TOR1AIP2: variants seen among roughly 807,000 people sequenced by gnomAD.
TOR1AIP2 encodes torsin-1A-interacting protein 2.
A neutral mutation model predicts 32.6 loss-of-function variants in TOR1AIP2; 20 were observed. That is an observed-to-expected ratio of 0.61 (90% CI 0.43 to 0.89). The LOEUF (loss-of-function observed/expected upper bound fraction) is 0.89, where lower values mean the gene tolerates loss of function less well. Ranked by LOEUF, TOR1AIP2 falls within the 40% of genes least tolerant of loss-of-function variation. The probability of loss-of-function intolerance (pLI) is 0.00; values close to 1 mark genes in which losing one functional copy is unlikely to be tolerated. For missense variants in TOR1AIP2, 456 were observed against 553.8 expected (o/e 0.82, Z 1.77); for synonymous variants, 214 against 210.8 (o/e 1.02, Z -0.13).
intron 3 of TOR1AIP2, chr1:179,863,820 G>A: frequency 2.0e-6 from 2 of 985,226 alleles, no homozygotes; most frequent in Non-Finnish European, 1.2e-6. Context: ...TTGTTCAGTG[G>A]CCTTTGAGAT....
intron 3 of TOR1AIP2, chr1:179,860,447 A>T (rs938280112): frequency 1.0e-6 from 1 of 983,968 alleles, no homozygotes; most frequent in African/African-American, 1.7e-5. Flanking sequence ...GCGCCACTGC[A>T]CTCCAGCCTA....
chr1:179,871,335 A>C (rs979153941), intron 2 of TOR1AIP2, among the ~76,000 whole-genome samples: 3 of 152,248 alleles, frequency 2.0e-5, no homozygotes, highest in African/African-American at 7.2e-5. Context: ...AACTTTATTA[A>C]AAGAAAATTT....
At chr1:179,859,040 T>C (rs75116394) in intron 3 of TOR1AIP2, 47,592 of 981,462 alleles carry the variant, frequency 0.048, 1,317 homozygotes, top group Non-Finnish European at 0.052. Context: ...TAGAATTAAG[T>C]ATATATCTTT....
rs1442581603 is a variant in TOR1AIP2 at position 179,846,086 on chromosome 1, C to G, written c.1398G>C (p.Gln466His). 4.3e-6 allele frequency: 7 copies of G among 1,613,492 alleles called. No homozygotes were observed. The Admixed American group carries it at 1.2e-4, about 27-fold the overall frequency. ...PVQPVSSIEE[Q>H]GCLF ...GTGCTTAGCTTTAGAAAAGGCACCCCTGTTCTTCTATGCTACTCACTGGCT... is the reference window on the plus strand; with the variant it reads ...GTGCTTAGCTTTAGAAAAGGCACCCGTGTTCTTCTATGCTACTCACTGGCT... Residue 466 changes from glutamine (Q) to histidine (H), a missense_variant, in exon 7 of 7, where the codon CAG (glutamine) becomes CAC (histidine). Coordinates refer to ENST00000609928, the MANE Select transcript of TOR1AIP2 (RefSeq NM_001199260.2).
chr1:179,865,279 A>AT (rs764210868), intron 3 of TOR1AIP2, 157 bp downstream of exon 3: 226 of 1,405,758 alleles, frequency 1.6e-4, no homozygotes, highest in Non-Finnish European at 2.0e-4. Flanking sequence ...TCGTTTACCA[A>AT]TTTCTTAGTT....
At chr1:179,869,663 T>A (rs1047256439) in intron 2 of TOR1AIP2, among the ~76,000 whole-genome samples, 2 of 152,188 alleles carry the variant, frequency 1.3e-5, no homozygotes, top group African/African-American at 4.8e-5. Context: ...AGCAACCATC[T>A]CTTCATAGAA....
intron 3 of TOR1AIP2, chr1:179,862,085 C>T: frequency 1.0e-6 from 1 of 985,408 alleles, no homozygotes; most frequent in Non-Finnish European, 1.2e-6. Flanking sequence ...AAGAAATCTC[C>T]ATTTTTAAAC....
At chr1:179,862,185 G>A (rs1194276255) in intron 3 of TOR1AIP2, 14 of 984,016 alleles carry the variant, frequency 1.4e-5, no homozygotes, top group Non-Finnish European at 1.7e-5. Context: ...TGGAGATATT[G>A]ACTAAAACAA....
rs762776217 is a variant in TOR1AIP2, at chr1:179,851,262, C to A, written c.136G>T (p.Ala46Ser). 6 of 1,612,380 alleles carry A rather than the reference C, an allele frequency of 3.7e-6. No homozygotes were observed. In the East Asian group the frequency reaches 1.1e-4, roughly 30 times the overall value. Reference sequence around the variant, plus strand: ...TGGTGGTCTTTGCTAAGACCACAGGCAGAGTGTAGGATCTCAGCTTCTTCA... The same window carrying A: ...TGGTGGTCTTTGCTAAGACCACAGGAAGAGTGTAGGATCTCAGCTTCTTCA... ...NAEEAEILHS[A>S]CGLSKDHQEV... Residue 46 changes from alanine (A) to serine (S), a missense_variant, in exon 5 of 7, where the codon GCC (alanine) becomes TCC (serine). Coordinates refer to ENST00000609928, the MANE Select transcript of TOR1AIP2 (RefSeq NM_001199260.2).
rs1379545702 is a variant in TOR1AIP2, at chr1:179,877,389, ATAAAG to A, written c.-700-21_-700-17del. The A allele has an allele frequency of 6.6e-6, 1 of 151,972 alleles. No individual in the cohort carries two copies. The highest frequency in any genetic ancestry group is 1.9e-4 in the East Asian group (1 of 5,182). The allele number at this position is 151,972 out of a possible 1,614,324, so 9.4% of individuals were successfully genotyped here. ...GACCCTGTCGCTATAAAAATAAAAA[ATAAAG>A]TAATTAGTAGGGCATGGTGGTGCGG... On this transcript the variant is annotated splice_polypyrimidine_tract_variant and intron_variant, in intron 1 of 6. Coordinates refer to ENST00000609928, the MANE Select transcript of TOR1AIP2 (RefSeq NM_001199260.2).
chr1:179,877,579 G>A (rs1647431755), intron 1 of TOR1AIP2, 114 bp downstream of exon 1: 1 of 151,318 alleles, frequency 6.6e-6, no homozygotes, highest in Admixed American at 6.6e-5. Context: ...CCATTTGTGC[G>A]GTACGAAGGT....
At chr1:179,851,946 C>G (rs1363529593) in intron 4 of TOR1AIP2, among the ~76,000 whole-genome samples, 2 of 152,168 alleles carry the variant, frequency 1.3e-5, no homozygotes. Context: ...ATCAGCAAAA[C>G]CCAGCACGTG....
Position 179,852,765 on chromosome 1 carries a change from G to A in TOR1AIP2, c.-100C>T, listed in dbSNP as rs1696166008. On this transcript the variant is annotated 5_prime_UTR_variant, in exon 4 of 7. Coordinates refer to ENST00000609928, the MANE Select transcript of TOR1AIP2 (RefSeq NM_001199260.2). Reference sequence around the variant, plus strand: ...TTTCTTCTTGTCCCAAGTCCCAACAGACTCATGCTTCCCATGGACCCAGGA... The same window carrying A: ...TTTCTTCTTGTCCCAAGTCCCAACAAACTCATGCTTCCCATGGACCCAGGA... 1 of 1,591,106 alleles carries A rather than the reference G, an allele frequency of 6.3e-7. No homozygotes were observed. Among genetic ancestry groups the A allele is most frequent in the South Asian group, 1.1e-5 (1 of 88,718 alleles).
intron 3 of TOR1AIP2, chr1:179,859,792 C>T (rs889194642): frequency 2.0e-6 from 2 of 985,478 alleles, no homozygotes; most frequent in Non-Finnish European, 1.2e-6. Context: ...CATCCCCAAA[C>T]CAATCCTGTC....
In TOR1AIP2 at chr1:179,850,135, T is replaced by C. The variant is rs1413673188; in HGVS notation, c.553+710A>G. Among the ~76,000 whole-genome samples, 220 of 152,310 alleles carry C rather than the reference T, an allele frequency of 1.4e-3. 1 individual carries two copies. Among genetic ancestry groups the C allele is most frequent in the African/African-American group, 5.2e-3 (216 of 41,548 alleles). ...TGAAAGTTAGAAGAATGTTTGGATA[T>C]CATCTTGTCCAACTTCTTCATTTTA... is the stretch of plus-strand genomic sequence containing the variant. On this transcript the variant is annotated intron_variant, in intron 5 of 6. Coordinates refer to ENST00000609928, the MANE Select transcript of TOR1AIP2 (RefSeq NM_001199260.2).
chr1:179,846,354 A>T lies in TOR1AIP2; in HGVS notation c.1130T>A (p.Ile377Asn). The change falls in exon 7 of 7, where the codon ATC becomes AAC. Residue 377 changes from isoleucine to asparagine, a missense_variant. Physicochemically the swap from Ile to Asn is moderately radical, Grantham distance 149. Coordinates refer to ENST00000609928, the MANE Select transcript of TOR1AIP2 (RefSeq NM_001199260.2). ...CTCATGATCACAATACTTATAGAAG[A>T]TCAAAGTGGAGCCGGCAGGGAAGGA... ...FESFPAGSTL[I>N]FYKYCDHENA... The T allele has an allele frequency of 2.5e-6, 4 of 1,614,212 alleles. No individual in the cohort carries two copies. Among genetic ancestry groups the T allele is most frequent in the Non-Finnish European group, 3.4e-6 (4 of 1,180,032 alleles).
chr1:179,866,700 C>T (rs1000979023), intron 2 of TOR1AIP2, among the ~76,000 whole-genome samples: 2 of 152,170 alleles, frequency 1.3e-5, no homozygotes, highest in African/African-American at 4.8e-5. Context: ...CCACCGTGCC[C>T]GGGTGCCCAC....
chr1:179,859,958 T>C, intron 3 of TOR1AIP2: 1 of 635,908 alleles, frequency 1.6e-6, no homozygotes, highest in Non-Finnish European at 2.0e-6. Context: ...CACCTCAGCC[T>C]CCTGAGTAGC....
Position 179,842,813 on chromosome 1 carries a change from AGC to A in TOR1AIP2, c.*3256_*3257del, listed in dbSNP as rs1471322928. ...TAATCCCAGCACTTTGGGAGGCCAA[AGC>A]GGGCGGATCACGAGGTCAGGAGATC... On this transcript the variant is annotated 3_prime_UTR_variant, in exon 7 of 7. Transcript: ENST00000609928. The A allele has an allele frequency of 6.6e-6, 1 of 151,958 alleles. No individual in the cohort carries two copies. Among genetic ancestry groups the A allele is most frequent in the African/African-American group, 2.4e-5 (1 of 41,382 alleles). 9.4% of individuals were successfully genotyped at this position (151,958 alleles called of 1,614,324 possible). A position where few individuals can be genotyped will look rare whatever the true frequency, so the allele number is the denominator to read the frequency against.
Sources: allele counts gnomAD v4.1 joint callset (sites outside exome capture counted in the v4.1 genomes callset), GRCh38; gene constraint gnomAD v4.1.1; transcripts MANE v1.5; gene names NCBI Gene and HGNC (gene_info 2026-07-23, HGNC 2026-07-21).